The following PLXNC1 variants were observed in gnomAD, a reference collection of about 807,000 sequenced individuals.
PLXNC1 encodes the protein plexin C1, also known as plexin-C1.
PLXNC1 carries 75 observed loss-of-function variants against 178.2 expected under a neutral mutation model. The ratio of observed to expected loss-of-function variants is 0.42; its 90% CI spans 0.35 to 0.51. PLXNC1 has a LOEUF of 0.51. Ranked by LOEUF, PLXNC1 falls within the 20% of genes least tolerant of loss-of-function variation. The pLI is 0.02. For missense variants in PLXNC1, 1,503 were observed against 1,984.4 expected, an observed-to-expected ratio of 0.76 and a Z score of 4.61; for synonymous variants, 790 against 779.9, an observed-to-expected ratio of 1.01 and a Z score of -0.22.
chr12:94,169,984 C>A (rs1592728346), intron 2 of PLXNC1, among the ~76,000 whole-genome samples: 1 of 152,158 alleles, frequency 6.6e-6, no homozygotes, highest in East Asian at 1.9e-4. Flanking sequence ...AGTTATCTAG[C>A]GTTCATCTTA....
intron 30 of PLXNC1, chr12:94,304,297 A>G (rs1233133489): frequency 5.4e-6 from 2 of 368,602 alleles, no homozygotes; most frequent in African/African-American, 4.1e-5. Flanking sequence ...TGGGGCCTAC[A>G]GCCACCCTGA....
intron 5 of PLXNC1, among the ~76,000 whole-genome samples, chr12:94,217,552 C>T (rs186052179): frequency 6.6e-6 from 1 of 152,262 alleles, no homozygotes; most frequent in East Asian, 1.9e-4. Context: ...AAGCTGAAGT[C>T]TTGAATCTTC....
chr12:94,252,869 A>T (rs1964735692), intron 15 of PLXNC1, among the ~76,000 whole-genome samples: 1 of 152,164 alleles, frequency 6.6e-6, no homozygotes, highest in Admixed American at 6.5e-5. Context: ...TGTCATTTGA[A>T]GTCTATTTTC....
chr12:94,199,658 A>G (rs1963047146), intron 4 of PLXNC1, among the ~76,000 whole-genome samples: 1 of 152,146 alleles, frequency 6.6e-6, no homozygotes, highest in Admixed American at 6.5e-5. Flanking sequence ...TATGAGTTCT[A>G]TGTATTTCAA....
chr12:94,169,288 C>G lies in PLXNC1; in HGVS notation c.1198C>G (p.Leu400Val), dbSNP rs1288130241. ...LFLGTGDGQL[L>V]KVILGENLTS... The stretch of plus-strand genomic sequence containing the variant: ...CTTGGGGACTGGAGATGGCCAGTTA[C>G]TTAAGGTTGGTTTTCTGTGCCTTCT... The change falls in exon 2 of 31, where the codon CTT becomes GTT. Residue 400 changes from leucine to valine, a missense_variant. Leu to Val is a conservative substitution (Grantham distance 32, BLOSUM62 1). Transcript: ENST00000258526. The G allele has an allele frequency of 6.2e-7, 1 of 1,613,466 alleles. No individual in the cohort carries two copies. Among genetic ancestry groups the G allele is most frequent in the Non-Finnish European group, 8.5e-7 (1 of 1,179,706 alleles).
At chr12:94,186,819 A>C (rs1962528373) in intron 4 of PLXNC1, 1 of 225,256 alleles carries the variant, frequency 4.4e-6, no homozygotes, top group African/African-American at 2.2e-5. Flanking sequence ...AGAAGATAAA[A>C]GAATAGAGAT....
chr12:94,250,279 A>G (rs933337521), intron 14 of PLXNC1, among the ~76,000 whole-genome samples: 1 of 152,192 alleles, frequency 6.6e-6, no homozygotes, highest in African/African-American at 2.4e-5. Flanking sequence ...TGCAGAAGGC[A>G]TGGGAGAGTT....
At chr12:94,294,856 G>A (rs1241391871) in intron 24 of PLXNC1, among the ~76,000 whole-genome samples, 7 of 152,102 alleles carry the variant, frequency 4.6e-5, no homozygotes, top group Admixed American at 4.6e-4. Flanking sequence ...CCTAACAGAG[G>A]AGATCCCCCT....
chr12:94,297,137 T>C, intron 24 of PLXNC1, 52 bp from the exon 25 acceptor site: 1 of 1,582,120 alleles, frequency 6.3e-7, no homozygotes, highest in Non-Finnish European at 8.7e-7. Flanking sequence ...GATTAGCCCA[T>C]GGTTGCTTTT....
intron 21 of PLXNC1, chr12:94,272,017 A>G (rs12579612): frequency 0.23 from 34,300 of 151,920 alleles, 4,005 homozygotes; most frequent in Admixed American, 0.28. Context: ...TGAACAGGAG[A>G]CGACCGTGAT....
rs1275068642 is a variant in PLXNC1 at position 94,169,264 on chromosome 12, T to C, written c.1174T>C (p.Leu392=). 6.2e-7 allele frequency: 1 copy of C among 1,614,108 alleles called. No individual in the cohort carries two copies. The highest frequency in any genetic ancestry group is 1.7e-5 in the Admixed American group (1 of 60,020). ...TVVMNRTVLF[L]GTGDGQLLKV... ...GGTAATGAACAGGACTGTTTTATTC[T>C]TGGGGACTGGAGATGGCCAGTTACT... is the stretch of plus-strand genomic sequence containing the variant. The change falls in exon 2 of 31, where the codon TTG becomes CTG. Residue 392 remains leucine, a synonymous_variant. Coordinates refer to ENST00000258526, the MANE Select transcript of PLXNC1 (RefSeq NM_005761.3).
At chr12:94,291,913 C>T (rs926816053) in intron 23 of PLXNC1, among the ~76,000 whole-genome samples, 7 of 152,166 alleles carry the variant, frequency 4.6e-5, no homozygotes, top group Admixed American at 2.6e-4. Flanking sequence ...CAGACCCATC[C>T]CCGCTTTTGG....
chr12:94,290,283 A>C (rs1450278032), intron 23 of PLXNC1, among the ~76,000 whole-genome samples: 2 of 152,238 alleles, frequency 1.3e-5, no homozygotes, highest in Non-Finnish European at 2.9e-5. Context: ...GCTTCTCATA[A>C]ACTCGGTGTC....
At chr12:94,240,056 G>T (rs1380246591) in intron 10 of PLXNC1, among the ~76,000 whole-genome samples, 1 of 152,122 alleles carries the variant, frequency 6.6e-6, no homozygotes, top group Non-Finnish European at 1.5e-5. Context: ...GGATTTTTGG[G>T]GGGGCATGAT....
At chr12:94,226,488 ATT>A (rs62973962) in intron 7 of PLXNC1, 115 bp from the exon 8 acceptor site, 7,825 of 526,118 alleles carry the variant, frequency 0.015, no homozygotes, top group South Asian at 0.018. Context: ...CTGTCCAGGG[ATT>A]TTTTTTTTTT....
rs116399475 is a variant in PLXNC1 at position 94,194,117 on chromosome 12, A to G, written c.1439+7644A>G. On this transcript the variant is annotated intron_variant, in intron 4 of 30. Transcript: ENST00000258526. The stretch of plus-strand genomic sequence containing the variant: ...GAAGGGAAAGCAGGGCACGTCTTAC[A>G]TGGCTGGAACAGGAGGAAAGGGGGG... 8.2e-3 allele frequency among the ~76,000 whole-genome samples: 1,249 copies of G among 152,218 alleles called. 16 individuals carry two copies. The highest frequency in any genetic ancestry group is 0.029 in the African/African-American group (1,195 of 41,512).
intron 21 of PLXNC1, among the ~76,000 whole-genome samples, chr12:94,266,593 G>T (rs144652472): frequency 2.8e-4 from 43 of 152,294 alleles, no homozygotes; most frequent in African/African-American, 9.4e-4. Context: ...ACAACTGTTG[G>T]TAGAGTGGTT....
intron 3 of PLXNC1, among the ~76,000 whole-genome samples, chr12:94,182,587 T>C (rs1307657138): frequency 6.6e-6 from 1 of 151,600 alleles, no homozygotes; most frequent in Non-Finnish European, 1.5e-5. Context: ...TAGCTGGGCG[T>C]GGTGGTGCAT....
intron 1 of PLXNC1, among the ~76,000 whole-genome samples, chr12:94,165,374 G>C (rs1237151714): frequency 6.6e-6 from 1 of 152,186 alleles, no homozygotes; most frequent in Non-Finnish European, 1.5e-5. Flanking sequence ...CCATTTCTGT[G>C]TGTTTCCAGC....
Sources: gnomAD v4.1 joint callset for allele counts (sites outside exome capture counted in the v4.1 genomes callset) on GRCh38, gnomAD v4.1.1 for gene constraint, MANE v1.5 for transcripts, NCBI Gene and HGNC (gene_info 2026-07-23, HGNC 2026-07-21) for gene names.